Variants in ATP8A2 observed in about 807,000 individuals in gnomAD.
The protein encoded by ATP8A2 is ATPase phospholipid transporting 8A2.
A neutral mutation model predicts 165.6 loss-of-function variants in ATP8A2; 100 were observed. The observed-to-expected ratio is 0.60, with a 90% confidence interval of 0.51 to 0.71. The LOEUF (loss-of-function observed/expected upper bound fraction) is 0.71, where lower values mean the gene tolerates loss of function less well. Ranked by LOEUF, ATP8A2 falls within the 30% of genes least tolerant of loss-of-function variation. ATP8A2 has a pLI of 0.00. For synonymous variants in ATP8A2, 543 were observed against 548.8 expected (o/e 0.99, Z 0.15); for missense variants, 1,227 against 1,479.5 (o/e 0.83, Z 2.80).
At chr13:25,468,816 G>C (rs1346571996) in intron 1 of ATP8A2, 161 bp from the exon 2 acceptor site, 5 of 983,672 alleles carry the variant, frequency 5.1e-6, no homozygotes, top group South Asian at 9.4e-5. Flanking sequence ...CGGCACAGGC[G>C]GCGGCGTCTC....
chr13:25,968,105 C>T (rs1285511980), intron 34 of ATP8A2, among the ~76,000 whole-genome samples: 4 of 152,284 alleles, frequency 2.6e-5, no homozygotes, highest in Middle Eastern at 3.4e-3. Flanking sequence ...GGCAGTGGCT[C>T]TTTTCACGCT....
At chr13:25,434,131 G>A (rs769795170) in intron 1 of ATP8A2, among the ~76,000 whole-genome samples, 2 of 152,126 alleles carry the variant, frequency 1.3e-5, no homozygotes, top group East Asian at 3.9e-4. Context: ...GAAATCTCGC[G>A]CTTGTTGGGA....
chr13:25,957,600 A>T (rs1479066268), intron 33 of ATP8A2, among the ~76,000 whole-genome samples: 1 of 152,196 alleles, frequency 6.6e-6, no homozygotes, highest in Non-Finnish European at 1.5e-5. Context: ...GTGATTATTA[A>T]AAAGTCAGGA....
chr13:25,986,440 A>G (rs1422562232), intron 35 of ATP8A2, among the ~76,000 whole-genome samples: 4 of 152,196 alleles, frequency 2.6e-5, no homozygotes, highest in African/African-American at 9.6e-5. Flanking sequence ...GATTTCACAT[A>G]CAAGTCAGAT....
intron 25 of ATP8A2, among the ~76,000 whole-genome samples, chr13:25,737,728 G>A (rs1362595111): frequency 1.3e-5 from 2 of 152,080 alleles, no homozygotes; most frequent in African/African-American, 4.8e-5. Context: ...TGTCGCCCAG[G>A]CTGGAGTGCA....
chr13:25,750,493 T>C lies in ATP8A2; in HGVS notation c.2385-18553T>C, dbSNP rs1199361123. 6.6e-6 allele frequency among the ~76,000 whole-genome samples: 1 copy of C among 152,018 alleles called. No individual in the cohort carries two copies. The highest frequency in any genetic ancestry group is 1.9e-4 in the East Asian group (1 of 5,170). ...TATCCCCCCGATTCTGACTCCCACC[T>C]GCTTCCATGTTGCTCTGCCCGGCTC... On this transcript the variant is annotated intron_variant, in intron 25 of 36. Transcript: ENST00000381655. This position sits in a 1 kb window ranked among gnomAD's most constrained non-coding sequence, Gnocchi z 4.3.
chr13:25,795,477 A>G (rs1028490676), intron 27 of ATP8A2, among the ~76,000 whole-genome samples: 1 of 152,246 alleles, frequency 6.6e-6, no homozygotes, highest in Admixed American at 6.5e-5. Flanking sequence ...TTGTCAGCAC[A>G]TTGACATAGA....
intron 25 of ATP8A2, among the ~76,000 whole-genome samples, chr13:25,720,492 G>A (rs1011633569): frequency 2.0e-5 from 3 of 152,090 alleles, no homozygotes; most frequent in African/African-American, 7.2e-5. Flanking sequence ...ATACTTCTAT[G>A]GGACAAATTT....
intron 1 of ATP8A2, among the ~76,000 whole-genome samples, chr13:25,451,868 T>G (rs535937223): frequency 6.6e-6 from 1 of 151,906 alleles, no homozygotes; most frequent in African/African-American, 2.4e-5. Context: ...TTTTTTTCTT[T>G]TTTTGAGATG....
At chr13:25,778,698 C>T (rs1271043919) in intron 27 of ATP8A2, among the ~76,000 whole-genome samples, 1 of 152,116 alleles carries the variant, frequency 6.6e-6, no homozygotes, top group African/African-American at 2.4e-5. Context: ...TCCTGCAGCC[C>T]CTTCCCAGGC....
intron 33 of ATP8A2, among the ~76,000 whole-genome samples, chr13:25,960,794 T>C (rs192676195): frequency 2.0e-5 from 3 of 152,124 alleles, no homozygotes; most frequent in Admixed American, 6.5e-5. Context: ...CCCAAAACCC[T>C]CTCTACCTGT....
chr13:26,015,851 A>G (rs1301906979), intron 36 of ATP8A2, among the ~76,000 whole-genome samples: 1 of 152,208 alleles, frequency 6.6e-6, no homozygotes, highest in African/African-American at 2.4e-5. Context: ...CATGAGTGAA[A>G]GTAGGGAGTG....
intron 1 of ATP8A2, among the ~76,000 whole-genome samples, chr13:25,407,104 A>T (rs1393877215): frequency 6.6e-6 from 1 of 152,236 alleles, no homozygotes; most frequent in Non-Finnish European, 1.5e-5. Context: ...TAGATCTCAG[A>T]TGTTGTGATG....
chr13:25,885,199 G>T (rs936029392), intron 33 of ATP8A2, among the ~76,000 whole-genome samples: 2 of 137,292 alleles, frequency 1.5e-5, no homozygotes, highest in African/African-American at 5.5e-5. Flanking sequence ...TGCAACCTCC[G>T]CCTCCTGGGT....
intron 2 of ATP8A2, among the ~76,000 whole-genome samples, chr13:25,508,656 G>T (rs1273301893): frequency 6.6e-6 from 1 of 152,308 alleles, no homozygotes; most frequent in East Asian, 1.9e-4. Context: ...TATAAACTTG[G>T]AGAAAAGATG....
At chr13:25,827,032 T>C (rs1484268460) in intron 27 of ATP8A2, among the ~76,000 whole-genome samples, 3 of 152,206 alleles carry the variant, frequency 2.0e-5, no homozygotes, top group Admixed American at 2.0e-4. Context: ...TCCTGCTGCC[T>C]CCGTGTATTC....
At chr13:25,844,088 C>CCTAG (rs1300002993) in intron 30 of ATP8A2, among the ~76,000 whole-genome samples, 9 of 152,038 alleles carry the variant, frequency 5.9e-5, no homozygotes, top group African/African-American at 2.2e-4. Flanking sequence ...TTTAGTGGGA[C>CCTAG]TGGGGGTGGC....
rs528484418 is a variant in ATP8A2 at position 25,567,454 on chromosome 13, CCAAATTTCTTTTT to C, written c.1474-3312_1474-3300del. On this transcript the variant is annotated intron_variant, in intron 16 of 36. Transcript: ENST00000381655. ...CCTCCTCATCGTCTGCCCTCCTGAG[CCAAATTTCTTTTT>C]AGTTTAGTGGGAAAGCCATTGAGAG... The C allele has an allele frequency of 8.6e-5, 39 of 452,754 alleles. 1 individual carries two copies. Among genetic ancestry groups the C allele is most frequent in the South Asian group, 5.8e-4 (37 of 63,816 alleles). 28.0% of individuals were successfully genotyped at this position (452,754 alleles called of 1,614,324 possible). A position where few individuals can be genotyped will look rare whatever the true frequency, so the allele number is the denominator to read the frequency against.
rs140808742 is a variant in ATP8A2, at chr13:25,906,589, C to G, written c.3183+44181C>G. On this transcript the variant is annotated intron_variant, in intron 33 of 36. Transcript: ENST00000381655. ...AACGCTCCCCCGCCTTCTCTCTCCC[C>G]CTCTTGCCGTATATCTCCTTTCTTT... 5.9e-3 allele frequency among the ~76,000 whole-genome samples: 893 copies of G among 152,230 alleles called. 8 individuals are homozygous for G. Among genetic ancestry groups the G allele is most frequent in the African/African-American group, 0.021 (858 of 41,526 alleles).
Sources: allele counts gnomAD v4.1 joint callset (sites outside exome capture counted in the v4.1 genomes callset), GRCh38; gene constraint gnomAD v4.1.1; non-coding constraint Gnocchi (gnomAD v3.1); transcripts MANE v1.5; gene names NCBI Gene and HGNC (gene_info 2026-07-23, HGNC 2026-07-21).